Variants in GRID2 observed in about 807,000 individuals in gnomAD.
The protein encoded by GRID2 is glutamate receptor ionotropic, delta-2.
A neutral mutation model predicts 114.8 loss-of-function variants in GRID2; 33 were observed. That is an observed-to-expected ratio of 0.29 (90% confidence interval 0.22 to 0.38). GRID2 has a LOEUF of 0.38. GRID2 is among the 10% of genes least tolerant of loss of function. GRID2 has a pLI of 1.00. For missense variants in GRID2, 1,184 were observed against 1,257.7 expected, an observed-to-expected ratio of 0.94 and a Z score of 0.89; for synonymous variants, 505 against 449.9, an observed-to-expected ratio of 1.12 and a Z score of -1.55.
chr4:93,186,634 C>A (rs1054870801), intron 4 of GRID2, among the ~76,000 whole-genome samples: 13 of 152,008 alleles, frequency 8.6e-5, no homozygotes, highest in African/African-American at 2.9e-4. Flanking sequence ...TGGTATTTTT[C>A]AAATATTTTA....
intron 2 of GRID2, among the ~76,000 whole-genome samples, chr4:92,698,637 T>A (rs1734528696): frequency 6.8e-6 from 1 of 147,486 alleles, no homozygotes; most frequent in Non-Finnish European, 1.5e-5. Context: ...ATCTTGCCTT[T>A]AAAAAAAAAA....
chr4:93,357,942 T>C (rs907976492), intron 8 of GRID2, among the ~76,000 whole-genome samples: 1 of 151,842 alleles, frequency 6.6e-6, no homozygotes, highest in Admixed American at 6.6e-5. Flanking sequence ...CTTTGTGATA[T>C]ATTCTAATTA....
At chr4:93,463,786 G>A (rs532252946) in intron 11 of GRID2, among the ~76,000 whole-genome samples, 18 of 152,110 alleles carry the variant, frequency 1.2e-4, no homozygotes, top group Admixed American at 5.2e-4. Context: ...TCAGGAGATC[G>A]AGACCATCCT....
intron 8 of GRID2, among the ~76,000 whole-genome samples, chr4:93,303,706 C>T (rs1755113164): frequency 6.6e-6 from 1 of 152,104 alleles, no homozygotes; most frequent in Non-Finnish European, 1.5e-5. Context: ...TATCCATACA[C>T]CTATCCATCT....
intron 2 of GRID2, among the ~76,000 whole-genome samples, chr4:93,035,764 A>C (rs1724878530): frequency 6.6e-6 from 1 of 152,180 alleles, no homozygotes; most frequent in Admixed American, 6.5e-5. Context: ...ACAATGTGAT[A>C]TCTGGCTTCT....
chr4:92,662,032 C>T (rs1732544308), intron 2 of GRID2, among the ~76,000 whole-genome samples: 1 of 150,956 alleles, frequency 6.6e-6, no homozygotes, highest in African/African-American at 2.4e-5. Flanking sequence ...CAGTTTATGT[C>T]TTAGTTGATA....
At chr4:93,110,468 G>T (rs1012573798) in intron 3 of GRID2, among the ~76,000 whole-genome samples, 1 of 151,942 alleles carries the variant, frequency 6.6e-6, no homozygotes, top group African/African-American at 2.4e-5. Flanking sequence ...AACCATCTCC[G>T]TGCACCCTCA....
chr4:93,615,949 A>C (rs1013831000), intron 13 of GRID2, among the ~76,000 whole-genome samples: 2 of 152,142 alleles, frequency 1.3e-5, no homozygotes, highest in Non-Finnish European at 2.9e-5. Flanking sequence ...TTGTCACTCA[A>C]TGTATTTCCA....
chr4:92,854,812 T>C, intron 2 of GRID2, among the ~76,000 whole-genome samples: 1 of 152,024 alleles, frequency 6.6e-6, no homozygotes, highest in East Asian at 1.9e-4. Flanking sequence ...GGAAAATTTT[T>C]TAAATGAAGA....
Position 92,304,504 on chromosome 4 carries a change from G to C in GRID2, c.-153G>C. 3.1e-6 allele frequency: 2 copies of C among 639,608 alleles called. No homozygotes were observed. Among genetic ancestry groups the C allele is most frequent in the South Asian group, 3.8e-5 (2 of 53,044 alleles). 39.6% of individuals were successfully genotyped at this position (639,608 alleles called of 1,614,324 possible). A position where few individuals can be genotyped will look rare whatever the true frequency, so the allele number is the denominator to read the frequency against. On this transcript the variant is annotated 5_prime_UTR_variant, in exon 1 of 16. Transcript: ENST00000282020. Reference sequence around the variant, plus strand: ...TCTGTCATTCCCTTCTGCCTTTCTCGGCGACGATAAAAGGCTTTGCTCTGG... The same window carrying C: ...TCTGTCATTCCCTTCTGCCTTTCTCCGCGACGATAAAAGGCTTTGCTCTGG...
At chr4:93,572,738 C>T (rs889879604) in intron 13 of GRID2, among the ~76,000 whole-genome samples, 1 of 152,042 alleles carries the variant, frequency 6.6e-6, no homozygotes, top group Non-Finnish European at 1.5e-5. Context: ...ACATCTCAGG[C>T]ACACGACCAC....
intron 2 of GRID2, among the ~76,000 whole-genome samples, chr4:92,867,192 A>G (rs1330546720): frequency 6.6e-6 from 1 of 152,154 alleles, no homozygotes; most frequent in Non-Finnish European, 1.5e-5. Context: ...CATATTGGTT[A>G]TTGCGCTGCA....
intron 2 of GRID2, among the ~76,000 whole-genome samples, chr4:92,601,355 A>G (rs1303153457): frequency 1.3e-5 from 2 of 152,224 alleles, no homozygotes; most frequent in African/African-American, 2.4e-5. Context: ...GTGAACTCAT[A>G]TTCAAACTCA....
chr4:93,516,547 TA>T (rs1466698608), intron 13 of GRID2, among the ~76,000 whole-genome samples: 3 of 152,142 alleles, frequency 2.0e-5, no homozygotes, highest in Non-Finnish European at 4.4e-5. Context: ...GCCCTTATTA[TA>T]CCCCATTTTC....
chr4:92,961,519 T>C (rs992210181), intron 2 of GRID2, among the ~76,000 whole-genome samples: 3 of 151,760 alleles, frequency 2.0e-5, no homozygotes, highest in Non-Finnish European at 2.9e-5. Flanking sequence ...CTTGCTTTCA[T>C]AGTTTCTGAT....
At chr4:93,386,968 A>C (rs981720667) in intron 8 of GRID2, among the ~76,000 whole-genome samples, 4 of 151,974 alleles carry the variant, frequency 2.6e-5, no homozygotes, top group Non-Finnish European at 4.4e-5. Context: ...CTTGACTGCA[A>C]CTCCCGTCAG....
intron 13 of GRID2, among the ~76,000 whole-genome samples, chr4:93,532,403 C>CTAA (rs1194491506): frequency 1.3e-5 from 2 of 152,156 alleles, no homozygotes; most frequent in Admixed American, 1.3e-4. Flanking sequence ...TGATTCTCAT[C>CTAA]TAATACCTTA....
chr4:93,608,812 T>C (rs1025672815), intron 13 of GRID2, among the ~76,000 whole-genome samples: 2 of 136,412 alleles, frequency 1.5e-5, no homozygotes, highest in Non-Finnish European at 3.3e-5. Flanking sequence ...TTTATAGTCA[T>C]TTGGGTATAT....
intron 13 of GRID2, among the ~76,000 whole-genome samples, chr4:93,550,938 C>T (rs1021997361): frequency 1.3e-5 from 2 of 152,040 alleles, no homozygotes; most frequent in Non-Finnish European, 1.5e-5. Flanking sequence ...TATAGAATAA[C>T]GGTTAAGGAT....
Sources: gnomAD v4.1 joint callset for allele counts (sites outside exome capture counted in the v4.1 genomes callset) on GRCh38, gnomAD v4.1.1 for gene constraint, MANE v1.5 for transcripts, NCBI Gene and HGNC (gene_info 2026-07-23, HGNC 2026-07-21) for gene names.